The following RORA variants were observed in gnomAD, a reference collection of about 807,000 sequenced individuals.
RORA encodes the protein nuclear receptor ROR-alpha.
In RORA, 7 loss-of-function variants were observed where a neutral mutation model predicts 69.5. The ratio of observed to expected loss-of-function variants is 0.10; its 90% CI spans 0.06 to 0.19. The LOEUF is 0.19. RORA is among the 10% of genes least tolerant of loss of function. RORA has a pLI of 1.00. For synonymous variants in RORA, 261 were observed against 240.8 expected (o/e 1.08, Z -0.78); for missense variants, 457 against 663.0 (o/e 0.69, Z 3.41).
At chr15:60,758,869 T>G (rs1240649675) in intron 1 of RORA, among the ~76,000 whole-genome samples, 2 of 152,232 alleles carry the variant, frequency 1.3e-5, no homozygotes, top group African/African-American at 4.8e-5. Context: ...TCATTTAATC[T>G]GAATTAAGAA....
chr15:60,687,426 A>G (rs553735531), intron 1 of RORA, among the ~76,000 whole-genome samples: 1 of 152,324 alleles, frequency 6.6e-6, no homozygotes, highest in Non-Finnish European at 1.5e-5. Flanking sequence ...CTCTGATTAC[A>G]GAACTTTAGG....
intron 1 of RORA, among the ~76,000 whole-genome samples, chr15:60,987,863 C>G (rs896109547): frequency 6.6e-6 from 1 of 152,216 alleles, no homozygotes; most frequent in East Asian, 1.9e-4. Flanking sequence ...AGCTGCACAG[C>G]TAGCAACTGG....
intron 1 of RORA, among the ~76,000 whole-genome samples, chr15:61,223,935 A>C (rs1432338088): frequency 6.6e-6 from 1 of 151,896 alleles, no homozygotes; most frequent in African/African-American, 2.4e-5. Context: ...TTTAACATAC[A>C]GCCTAAAAAG....
intron 2 of RORA, among the ~76,000 whole-genome samples, chr15:60,543,228 A>C (rs908357576): frequency 1.6e-5 from 2 of 123,854 alleles, no homozygotes; most frequent in Non-Finnish European, 3.3e-5. Flanking sequence ...AAAAGGAGAG[A>C]GTTGATTATG....
intron 1 of RORA, among the ~76,000 whole-genome samples, chr15:60,854,239 C>T (rs972241722): frequency 8.6e-5 from 13 of 151,800 alleles, no homozygotes; most frequent in Non-Finnish European, 1.3e-4. Context: ...TCCAGCCTGG[C>T]GACAGCGAGA....
chr15:60,642,116 A>C (rs1441069542), intron 2 of RORA, among the ~76,000 whole-genome samples: 1 of 152,214 alleles, frequency 6.6e-6, no homozygotes, highest in African/African-American at 2.4e-5. Flanking sequence ...CCTTTAGCTC[A>C]GGGAGTCATT....
chr15:61,134,908 C>T (rs1474011851), intron 1 of RORA, among the ~76,000 whole-genome samples: 1 of 152,110 alleles, frequency 6.6e-6, no homozygotes, highest in Non-Finnish European at 1.5e-5. Flanking sequence ...CAATATACCA[C>T]TATCCTGAGA....
At chr15:61,040,812 T>G (rs1002416703) in intron 1 of RORA, among the ~76,000 whole-genome samples, 1 of 152,220 alleles carries the variant, frequency 6.6e-6, no homozygotes, top group Non-Finnish European at 1.5e-5. Flanking sequence ...AGATCTATAC[T>G]TTATAGTCAT....
chr15:60,744,580 T>TG (rs574867022), intron 1 of RORA, among the ~76,000 whole-genome samples: 67 of 152,244 alleles, frequency 4.4e-4, no homozygotes, highest in Admixed American at 8.5e-4. Context: ...ACCAGCAAAC[T>TG]GGGGGGCAAG....
intron 1 of RORA, among the ~76,000 whole-genome samples, chr15:61,027,396 G>A (rs998862571): frequency 9.9e-5 from 15 of 152,242 alleles, no homozygotes; most frequent in African/African-American, 3.6e-4. Flanking sequence ...TGAAAGGGCA[G>A]AGGTGGCTTA....
chr15:60,809,305 A>G (rs1311436180), intron 1 of RORA, among the ~76,000 whole-genome samples: 1 of 152,198 alleles, frequency 6.6e-6, no homozygotes, highest in Non-Finnish European at 1.5e-5. Flanking sequence ...CTGAACTACA[A>G]CAATTGACAG....
chr15:60,722,378 C>T (rs1279234360), intron 1 of RORA, among the ~76,000 whole-genome samples: 1 of 152,240 alleles, frequency 6.6e-6, no homozygotes, highest in African/African-American at 2.4e-5. Context: ...ACCCTTCCCC[C>T]ATCACTCACT....
At chr15:60,817,111 T>A (rs2072828741) in intron 1 of RORA, among the ~76,000 whole-genome samples, 1 of 152,214 alleles carries the variant, frequency 6.6e-6, no homozygotes, top group Admixed American at 6.5e-5. Context: ...CTCACAGACT[T>A]ATCATTTCTT....
chr15:61,126,789 G>A (rs1040101649), intron 1 of RORA, among the ~76,000 whole-genome samples: 1 of 152,182 alleles, frequency 6.6e-6, no homozygotes, highest in Non-Finnish European at 1.5e-5. Flanking sequence ...AACTCCATGA[G>A]CCTGCGATCA....
chr15:60,811,690 TATGGCATTTATTATTACCCAC>T (rs1266371599), intron 1 of RORA, among the ~76,000 whole-genome samples: 1 of 152,218 alleles, frequency 6.6e-6, no homozygotes, highest in Non-Finnish European at 1.5e-5. Flanking sequence ...ACAGTTTCTT[TATGGCATTTATTATTACCCAC>T]ATCTCAATTC....
intron 1 of RORA, among the ~76,000 whole-genome samples, chr15:61,187,671 C>T (rs1251204837): frequency 6.6e-6 from 1 of 152,114 alleles, no homozygotes; most frequent in Non-Finnish European, 1.5e-5. Flanking sequence ...TATTTATAAG[C>T]GTTAAGACAG....
At chr15:61,143,713 T>C (rs892582626) in intron 1 of RORA, among the ~76,000 whole-genome samples, 1 of 152,082 alleles carries the variant, frequency 6.6e-6, no homozygotes, top group African/African-American at 2.4e-5. Flanking sequence ...AACTGGCCAG[T>C]TAGTAGGGAG....
intron 1 of RORA, among the ~76,000 whole-genome samples, chr15:60,909,441 T>C (rs1891638103): frequency 6.6e-6 from 1 of 152,170 alleles, no homozygotes; most frequent in African/African-American, 2.4e-5. Context: ...AAACCCAAGA[T>C]CAAAACTTAT....
chr15:60,753,288 G>C (rs71411428), intron 1 of RORA, among the ~76,000 whole-genome samples: 166 of 152,294 alleles, frequency 1.1e-3, no homozygotes, highest in Admixed American at 2.7e-3. Flanking sequence ...AGATATTACC[G>C]TCTTTCATCT....
Sources: gnomAD v4.1 joint callset for allele counts (sites outside exome capture counted in the v4.1 genomes callset) on GRCh38, gnomAD v4.1.1 for gene constraint, MANE v1.5 for transcripts, NCBI Gene and HGNC (gene_info 2026-07-23, HGNC 2026-07-21) for gene names.